Variants in ARHGAP28 observed in about 807,000 individuals in gnomAD.
ARHGAP28 encodes rho GTPase-activating protein 28.
A neutral mutation model predicts 90.7 loss-of-function variants in ARHGAP28; 56 were observed. The ratio of observed to expected loss-of-function variants is 0.62; its 90% CI spans 0.50 to 0.77. The LOEUF (loss-of-function observed/expected upper bound fraction) is 0.77, where lower values mean the gene tolerates loss of function less well. Ranked by LOEUF, ARHGAP28 falls within the 30% of genes least tolerant of loss-of-function variation. ARHGAP28 has a pLI of 0.00. For missense variants in ARHGAP28, 869 were observed against 900.9 expected, an observed-to-expected ratio of 0.96 and a Z score of 0.45; for synonymous variants, 308 against 323.3, an observed-to-expected ratio of 0.95 and a Z score of 0.51.
rs771061484 is a variant in ARHGAP28, at chr18:6,873,411, A to G, written c.957A>G (p.Lys319=). 9 of 1,598,880 alleles carry G rather than the reference A, an allele frequency of 5.6e-6. No homozygotes were observed. Among genetic ancestry groups the G allele is most frequent in the South Asian group, 4.6e-5 (4 of 87,296 alleles). Residue 319 remains lysine (K), a splice_region_variant and synonymous_variant, in exon 8 of 18, where the codon AAA becomes AAG. Coordinates refer to ENST00000383472, the MANE Select transcript of ARHGAP28 (RefSeq NM_001366230.1). ...AATACCTTCACTGTGTGTTTTAGAA[A>G]TTTAATGTTCAGAAAACCAGATTTG... The part of the protein sequence containing the change: ...EIKKEDYVLT[K]FNVQKTRFGL...
intron 7 of ARHGAP28, among the ~76,000 whole-genome samples, chr18:6,871,193 G>T (rs1225429565): frequency 6.6e-6 from 1 of 152,206 alleles, no homozygotes; most frequent in Non-Finnish European, 1.5e-5. Flanking sequence ...TGTTATGTGG[G>T]CACCACTTGT....
chr18:6,841,208 C>CCTCTCTCTCTCTCCTCTCTCTCTCT (rs2056822337), intron 3 of ARHGAP28, among the ~76,000 whole-genome samples: 3 of 43,136 alleles, frequency 7.0e-5, no homozygotes, highest in Non-Finnish European at 1.3e-4. Context: ...TCTCTCCTCT[C>CCTCTCTCTCTCTCCTCTCTCTCTCT]CTCTCTCTCT....
intron 1 of ARHGAP28, among the ~76,000 whole-genome samples, chr18:6,818,481 A>G (rs988184064): frequency 6.6e-6 from 1 of 152,210 alleles, no homozygotes; most frequent in Non-Finnish European, 1.5e-5. Context: ...TAAGACAAAC[A>G]TGGTTCCTCT....
At chr18:6,867,890 A>G (rs1254335423) in intron 5 of ARHGAP28, among the ~76,000 whole-genome samples, 8 of 152,220 alleles carry the variant, frequency 5.3e-5, no homozygotes, top group Non-Finnish European at 1.0e-4. Flanking sequence ...GCAAAGGTAT[A>G]AGCAGCAAAT....
intron 1 of ARHGAP28, among the ~76,000 whole-genome samples, chr18:6,805,817 T>C (rs1191194944): frequency 6.6e-6 from 1 of 152,056 alleles, no homozygotes; most frequent in Non-Finnish European, 1.5e-5. Context: ...GTTTACACCA[T>C]TTATACTTTA....
chr18:6,742,149 T>TTTTTTTC lies in ARHGAP28; in HGVS notation c.122+12219_122+12225dup, dbSNP rs533931241. 2.0e-3 allele frequency among the ~76,000 whole-genome samples: 295 copies of TTTTTTTC among 149,728 alleles called. 1 individual carries two copies. Among genetic ancestry groups the TTTTTTTC allele is most frequent in the African/African-American group, 6.9e-3 (283 of 41,246 alleles). On this transcript the variant is annotated intron_variant, in intron 1 of 17. Coordinates refer to ENST00000383472, the MANE Select transcript of ARHGAP28 (RefSeq NM_001366230.1). ...ACTAGGAACACATGACTTGGTTTTC[T>TTTTTTTC]TTTTTTCTTTTTTCTTTTTCTTTTT...
At chr18:6,809,566 A>T (rs934012704) in intron 1 of ARHGAP28, among the ~76,000 whole-genome samples, 2 of 152,162 alleles carry the variant, frequency 1.3e-5, no homozygotes, top group Admixed American at 1.3e-4. Flanking sequence ...GCAGGCACAT[A>T]TTTACATGGC....
chr18:6,898,364 G>T, intron 16 of ARHGAP28: 1 of 693,318 alleles, frequency 1.4e-6, no homozygotes, highest in South Asian at 2.2e-5. Flanking sequence ...GTATACTTCT[G>T]ACTTGTACAT....
intron 1 of ARHGAP28, chr18:6,788,709 C>T (rs2056384623): frequency 6.6e-6 from 1 of 152,210 alleles, no homozygotes; most frequent in Non-Finnish European, 1.5e-5. Context: ...TCATGATCCA[C>T]CTGCCTCGGC....
At chr18:6,857,320 A>G (rs1185987833) in intron 4 of ARHGAP28, among the ~76,000 whole-genome samples, 1 of 152,258 alleles carries the variant, frequency 6.6e-6, no homozygotes. Context: ...CTGGGTCTTC[A>G]TGGGCTCACA....
chr18:6,882,118 T>A lies in ARHGAP28; in HGVS notation c.1291-19T>A. ...TGGTAAAAGTGCATTGAATACTGAC[T>A]GTTTTCCTTGATTTACAGCAATACC... On this transcript the variant is annotated intron_variant, in intron 10 of 17. Transcript: ENST00000383472. 1.2e-6 allele frequency: 2 copies of A among 1,603,880 alleles called. No homozygotes were observed.
At chr18:6,901,131 G>A (rs1026669884) in intron 16 of ARHGAP28, among the ~76,000 whole-genome samples, 1 of 152,158 alleles carries the variant, frequency 6.6e-6, no homozygotes, top group African/African-American at 2.4e-5. Context: ...ACCCATAAAG[G>A]ATGACTGAAG....
chr18:6,784,225 C>T (rs192854498), intron 1 of ARHGAP28, among the ~76,000 whole-genome samples: 3 of 152,160 alleles, frequency 2.0e-5, no homozygotes, highest in South Asian at 2.1e-4. Flanking sequence ...TGTAGCCCAG[C>T]GGTATTTGTA....
chr18:6,831,164 ACATTTC>A (rs1243824714), intron 2 of ARHGAP28, among the ~76,000 whole-genome samples: 18 of 152,250 alleles, frequency 1.2e-4, no homozygotes, highest in African/African-American at 4.1e-4. Flanking sequence ...GGTTGTAATT[ACATTTC>A]GCTGATGACT....
intron 1 of ARHGAP28, among the ~76,000 whole-genome samples, chr18:6,756,381 G>A (rs946498972): frequency 3.3e-5 from 5 of 151,970 alleles, no homozygotes; most frequent in Admixed American, 1.3e-4. Context: ...CAGAAATAAC[G>A]TATCAGAAAA....
At chr18:6,826,117 G>GTTT (rs35995654) in intron 2 of ARHGAP28, among the ~76,000 whole-genome samples, 10 of 138,502 alleles carry the variant, frequency 7.2e-5, no homozygotes, top group African/African-American at 1.9e-4. Flanking sequence ...CATTGCCAGT[G>GTTT]TTTTTTTTTT....
At chr18:6,759,487 G>A (rs2056141145) in intron 1 of ARHGAP28, among the ~76,000 whole-genome samples, 1 of 152,154 alleles carries the variant, frequency 6.6e-6, no homozygotes, top group South Asian at 2.1e-4. Flanking sequence ...TTTATTCAGA[G>A]TTATGCTGCA....
chr18:6,860,913 T>G (rs1422852413), intron 5 of ARHGAP28, among the ~76,000 whole-genome samples: 1 of 152,208 alleles, frequency 6.6e-6, no homozygotes, highest in Non-Finnish European at 1.5e-5. Flanking sequence ...ACCCACAATA[T>G]CTGACCCACT....
intron 1 of ARHGAP28, among the ~76,000 whole-genome samples, chr18:6,756,081 G>A (rs2056107157): frequency 6.6e-6 from 1 of 152,184 alleles, no homozygotes. Context: ...ACTTGGGCAG[G>A]TTATTTAGCC....
Sources: gnomAD v4.1 joint callset for allele counts (sites outside exome capture counted in the v4.1 genomes callset) on GRCh38, gnomAD v4.1.1 for gene constraint, MANE v1.5 for transcripts, NCBI Gene and HGNC (gene_info 2026-07-23, HGNC 2026-07-21) for gene names.